The following TRIM14 variants were observed in gnomAD, a reference collection of about 807,000 sequenced individuals.
TRIM14 encodes tripartite motif containing 14.
TRIM14 carries 28 observed loss-of-function variants against 44.5 expected under a neutral mutation model. The ratio of observed to expected loss-of-function variants is 0.63; its 90% CI spans 0.47 to 0.86. The LOEUF is 0.86. Ranked by LOEUF, TRIM14 falls within the 40% of genes least tolerant of loss-of-function variation. The pLI is 0.00. For missense variants in TRIM14, 607 were observed against 611.1 expected, an observed-to-expected ratio of 0.99 and a Z score of 0.07; for synonymous variants, 299 against 269.2, an observed-to-expected ratio of 1.11 and a Z score of -1.08.
chr9:98,091,356 C>T (rs1293487107), intron 5 of TRIM14, among the ~76,000 whole-genome samples: 1 of 152,038 alleles, frequency 6.6e-6, no homozygotes, highest in South Asian at 2.1e-4. Flanking sequence ...ATGAGGGAGG[C>T]TGAGGTGGGA....
the TRIM14 span, among the ~76,000 whole-genome samples, chr9:98,047,670 A>C: frequency 0.33 from 49,768 of 151,918 alleles, 10,895 homozygotes; most frequent in African/African-American, 0.62. Context: ...TGTAATAGCT[A>C]GGTAGGAAAT....
downstream of TRIM14, among the ~76,000 whole-genome samples, chr9:98,064,514 C>T (rs371230588): frequency 4.9e-4 from 75 of 152,260 alleles, 1 homozygote; most frequent in South Asian, 0.015. Context: ...CCTCGGCCTC[C>T]CAAAGTTCTG....
At chr9:98,108,872 G>T (rs909878923) in intron 2 of TRIM14, among the ~76,000 whole-genome samples, 1 of 144,514 alleles carries the variant, frequency 6.9e-6, no homozygotes, top group Non-Finnish European at 1.5e-5. Flanking sequence ...GAATCAGTCA[G>T]GGGTTCCTTT....
chr9:98,044,618 C>T, the TRIM14 span, among the ~76,000 whole-genome samples: 7 of 152,010 alleles, frequency 4.6e-5, no homozygotes, highest in East Asian at 3.9e-4. Context: ...GTGATCTGCC[C>T]GCCTTGGCTT....
rs10984977 is a variant in TRIM14 at position 98,085,015 on chromosome 9, G to T, written c.*2455C>A. 1.4e-4 allele frequency: 21 copies of T among 151,940 alleles called. No homozygotes were observed. Among genetic ancestry groups the T allele is most frequent in the African/African-American group, 4.6e-4 (19 of 41,338 alleles). The allele number at this position is 151,940 out of a possible 1,614,324, so 9.4% of individuals were successfully genotyped here. On this transcript the variant is annotated 3_prime_UTR_variant, in exon 6 of 6. Coordinates refer to ENST00000341469, the MANE Select transcript of TRIM14 (RefSeq NM_014788.4). ...GAAACTGCCGCTTTCTGGCTATCAC[G>T]GGCCTTGACACAGCTAGTTTGTGAC...
Position 98,087,635 on chromosome 9 carries a change from G to A in TRIM14, c.1164C>T (p.Leu388=), listed in dbSNP as rs762964381. 11 of 1,604,960 alleles carry A rather than the reference G, an allele frequency of 6.9e-6. No homozygotes were observed. In the Admixed American group the frequency reaches 1.2e-4, roughly 17 times the overall value. Residue 388 remains leucine (L), a synonymous_variant, in exon 6 of 6, where the codon CTC becomes CTT. Coordinates refer to ENST00000341469, the MANE Select transcript of TRIM14 (RefSeq NM_014788.4). ...QRSRLRPRDD[L]DRLGVFLDYE... ...AGTCCAGGAAGACGCCGAGCCGGTCGAGGTCGTCGCGGGGCCGCAGGCGGC... is the reference window on the plus strand; with the variant it reads ...AGTCCAGGAAGACGCCGAGCCGGTCAAGGTCGTCGCGGGGCCGCAGGCGGC...
intron 2 of TRIM14, among the ~76,000 whole-genome samples, chr9:98,103,244 A>G (rs1224303721): frequency 6.6e-6 from 1 of 151,938 alleles, no homozygotes; most frequent in Non-Finnish European, 1.5e-5. Context: ...TGGCAGGGAA[A>G]GTTCTCCAGA....
Position 98,095,097 on chromosome 9 carries a change from C to A in TRIM14, c.538-68G>T. 2 of 1,535,252 alleles carry A rather than the reference C, an allele frequency of 1.3e-6. No homozygotes were observed. The highest frequency in any genetic ancestry group is 1.7e-6 in the Non-Finnish European group (2 of 1,144,874). On this transcript the variant is annotated intron_variant, in intron 3 of 5. Transcript: ENST00000341469. The surrounding 1 kb of genome is among the most constrained non-coding windows in gnomAD (Gnocchi z 4.1). Reference sequence around the variant, plus strand: ...GGCAGCATCCCAGCCTCCTGTGCTGCACCCAGGAACAAACCCACACCAGCA... The same window carrying A: ...GGCAGCATCCCAGCCTCCTGTGCTGAACCCAGGAACAAACCCACACCAGCA...
chr9:98,052,042 C>A, the TRIM14 span, among the ~76,000 whole-genome samples: 6 of 152,100 alleles, frequency 3.9e-5, no homozygotes, highest in Non-Finnish European at 7.3e-5. Context: ...TATTACACAC[C>A]AAGGCTAAAA....
the TRIM14 span, among the ~76,000 whole-genome samples, chr9:98,060,426 T>C: frequency 6.6e-6 from 1 of 152,202 alleles, no homozygotes; most frequent in African/African-American, 2.4e-5. Flanking sequence ...CCCAGCACTT[T>C]GGGAGGCCAA....
downstream of TRIM14, chr9:98,082,765 C>A (rs904851117): frequency 1.1e-4 from 149 of 1,364,134 alleles, no homozygotes; most frequent in Middle Eastern, 1.4e-3. Context: ...GAAGACTGAT[C>A]AGGGACCTTG....
rs1279976246 is a variant in TRIM14 at position 98,099,527 on chromosome 9, A to C, written c.537+404T>G. Among the ~76,000 whole-genome samples the C allele has an allele frequency of 3.3e-5, 5 of 151,564 alleles. No individual in the cohort carries two copies. The South Asian group carries it at 1.0e-3, about 32-fold the overall frequency. On this transcript the variant is annotated intron_variant, in intron 3 of 5. Coordinates refer to ENST00000341469, the MANE Select transcript of TRIM14 (RefSeq NM_014788.4). ...GTCCCTTGTGGGTTTAGAGTCAGAC[A>C]GACCTAGACAGACAGCCAGACCTGA...
the TRIM14 span, among the ~76,000 whole-genome samples, chr9:98,044,522 C>T: frequency 3.0e-4 from 46 of 151,846 alleles, 2 homozygotes; most frequent in African/African-American, 9.2e-4. Context: ...TACAGGCACG[C>T]GCCACCATGC....
intron 3 of TRIM14, among the ~76,000 whole-genome samples, chr9:98,096,015 T>C (rs1264358738): frequency 6.6e-6 from 1 of 152,216 alleles, no homozygotes; most frequent in Non-Finnish European, 1.5e-5. Flanking sequence ...GTAAGAACCA[T>C]GGCTGCATTT....
At chr9:98,077,865 C>T (rs1829659630) in intron 6 of TRIM14, among the ~76,000 whole-genome samples, 1 of 152,208 alleles carries the variant, frequency 6.6e-6, no homozygotes, top group South Asian at 2.1e-4. Context: ...TGAATCAGCA[C>T]TCATTCTACT....
rs145576219 is a variant in TRIM14, at chr9:98,095,483, G to C, written c.538-454C>G. ...GAGCACCTGGAGCTTATTCAAAGGT[G>C]GAGCAGGAAACCATGTTCTAAGAAG... On this transcript the variant is annotated intron_variant, in intron 3 of 5. Transcript: ENST00000341469. This position sits in a 1 kb window ranked among gnomAD's most constrained non-coding sequence, Gnocchi z 4.1. 3.2e-4 allele frequency among the ~76,000 whole-genome samples: 49 copies of C among 152,306 alleles called. 1 individual carries two copies. The highest frequency in any genetic ancestry group is 1.1e-3 in the African/African-American group (45 of 41,562).
At chr9:98,118,392 T>C (rs1372267094) in intron 1 of TRIM14, among the ~76,000 whole-genome samples, 1 of 152,060 alleles carries the variant, frequency 6.6e-6, no homozygotes, top group Non-Finnish European at 1.5e-5. Context: ...GCCTATAAAA[T>C]GGCTGTAATA....
At chr9:98,050,570 G>A in the TRIM14 span, among the ~76,000 whole-genome samples, 1 of 152,090 alleles carries the variant, frequency 6.6e-6, no homozygotes, top group African/African-American at 2.4e-5. Flanking sequence ...GTTTGGTTTG[G>A]GGCCTAGTGC....
the TRIM14 span, among the ~76,000 whole-genome samples, chr9:98,047,769 G>C: frequency 2.6e-5 from 4 of 151,936 alleles, no homozygotes; most frequent in Non-Finnish European, 5.9e-5. Flanking sequence ...TGGCCACCTA[G>C]AAAGCATGGA....
Sources: gnomAD v4.1 joint callset for allele counts (sites outside exome capture counted in the v4.1 genomes callset) on GRCh38, gnomAD v4.1.1 for gene constraint, Gnocchi (gnomAD v3.1) non-coding constraint, MANE v1.5 for transcripts, NCBI Gene and HGNC (gene_info 2026-07-23, HGNC 2026-07-21) for gene names.